LSAMP: variants seen among roughly 807,000 people sequenced by gnomAD.
The protein encoded by LSAMP is limbic system associated membrane protein.
In LSAMP, 7 loss-of-function variants were observed where a neutral mutation model predicts 38.6. The observed-to-expected ratio is 0.18, with a 90% confidence interval of 0.10 to 0.34. The LOEUF (loss-of-function observed/expected upper bound fraction) is 0.34, where lower values mean the gene tolerates loss of function less well. LSAMP is among the 10% of genes least tolerant of loss of function. The pLI, the probability that LSAMP is intolerant of heterozygous loss-of-function variation, is 1.00. For missense variants in LSAMP, 313 were observed against 420.0 expected, an observed-to-expected ratio of 0.75 and a Z score of 2.23; for synonymous variants, 154 against 166.8, an observed-to-expected ratio of 0.92 and a Z score of 0.59.
At chr3:116,073,638 T>C (rs1291290936) in intron 2 of LSAMP, among the ~76,000 whole-genome samples, 7 of 152,250 alleles carry the variant, frequency 4.6e-5, no homozygotes, top group Non-Finnish European at 1.0e-4. Flanking sequence ...CTTCCCTTGT[T>C]GGAATGCTAG....
chr3:115,890,275 G>A (rs143842729), intron 3 of LSAMP, among the ~76,000 whole-genome samples: 8 of 151,944 alleles, frequency 5.3e-5, no homozygotes, highest in Admixed American at 1.3e-4. Context: ...AAAGAATATC[G>A]GAGCATCAAC....
At chr3:115,881,918 G>T (rs1186864012) in intron 3 of LSAMP, among the ~76,000 whole-genome samples, 1 of 152,010 alleles carries the variant, frequency 6.6e-6, no homozygotes, top group Non-Finnish European at 1.5e-5. Context: ...ATCCACCTGG[G>T]GCCCTCTCTG....
At chr3:116,040,556 T>G (rs1941145710) in intron 2 of LSAMP, among the ~76,000 whole-genome samples, 1 of 152,254 alleles carries the variant, frequency 6.6e-6, no homozygotes, top group Non-Finnish European at 1.5e-5. Context: ...ACTTCTGTAT[T>G]TCTGCCATTA....
At chr3:116,181,906 A>G (rs1280766040) in intron 1 of LSAMP, among the ~76,000 whole-genome samples, 3 of 152,018 alleles carry the variant, frequency 2.0e-5, no homozygotes, top group Non-Finnish European at 4.4e-5. Context: ...CTATATTTTG[A>G]TAAAGATCAC....
intron 3 of LSAMP, among the ~76,000 whole-genome samples, chr3:115,995,033 T>C (rs1939776458): frequency 6.6e-6 from 1 of 152,126 alleles, no homozygotes; most frequent in Admixed American, 6.6e-5. Flanking sequence ...GTGTAAAGCA[T>C]TCCTAGAAGC....
intron 1 of LSAMP, among the ~76,000 whole-genome samples, chr3:116,328,389 A>G (rs1379371685): frequency 3.3e-5 from 5 of 152,234 alleles, no homozygotes; most frequent in Non-Finnish European, 5.9e-5. Context: ...ATTTGTAGAA[A>G]TGCAAGTGTG....
intron 2 of LSAMP, among the ~76,000 whole-genome samples, chr3:116,037,865 G>A (rs890246068): frequency 3.3e-5 from 5 of 152,046 alleles, no homozygotes; most frequent in African/African-American, 1.2e-4. Flanking sequence ...CTCAACTTCA[G>A]TGGTATAAGC....
At chr3:116,003,329 A>T (rs1375581353) in intron 3 of LSAMP, among the ~76,000 whole-genome samples, 1 of 152,146 alleles carries the variant, frequency 6.6e-6, no homozygotes, top group Non-Finnish European at 1.5e-5. Flanking sequence ...AACTCAGAGA[A>T]TTGTGTAGTA....
chr3:115,883,749 G>A (rs904540433), intron 3 of LSAMP, among the ~76,000 whole-genome samples: 4 of 151,950 alleles, frequency 2.6e-5, no homozygotes, highest in African/African-American at 4.8e-5. Flanking sequence ...TACACAAATG[G>A]TAGGGTATTA....
chr3:116,315,537 T>A (rs372498355), intron 1 of LSAMP, among the ~76,000 whole-genome samples: 1 of 152,152 alleles, frequency 6.6e-6, no homozygotes, highest in African/African-American at 2.4e-5. Flanking sequence ...CTCCATTGAT[T>A]ACAGAAAGAC....
At chr3:115,873,280 G>A (rs1936095630) in intron 3 of LSAMP, among the ~76,000 whole-genome samples, 1 of 151,930 alleles carries the variant, frequency 6.6e-6, no homozygotes, top group African/African-American at 2.4e-5. Context: ...TAACTTGGGA[G>A]GTTAAGGCAG....
At chr3:116,268,071 T>C (rs978673025) in intron 1 of LSAMP, among the ~76,000 whole-genome samples, 2 of 152,146 alleles carry the variant, frequency 1.3e-5, no homozygotes, top group Admixed American at 1.3e-4. Flanking sequence ...CTATTTTACA[T>C]TAAAGAAAAA....
At chr3:115,862,519 G>T in intron 3 of LSAMP, among the ~76,000 whole-genome samples, 1 of 152,280 alleles carries the variant, frequency 6.6e-6, no homozygotes, top group East Asian at 1.9e-4. Flanking sequence ...GCCCAGTGCT[G>T]AATGAGTTAT....
chr3:116,262,923 T>C (rs1160705624), intron 1 of LSAMP, among the ~76,000 whole-genome samples: 1 of 152,174 alleles, frequency 6.6e-6, no homozygotes, highest in Non-Finnish European at 1.5e-5. Flanking sequence ...TTCAGATACA[T>C]TCATAGAAAC....
chr3:116,403,651 T>C (rs574580218), intron 1 of LSAMP, among the ~76,000 whole-genome samples: 200 of 152,302 alleles, frequency 1.3e-3, no homozygotes, highest in Non-Finnish European at 2.4e-3. Flanking sequence ...GGTTTATTAT[T>C]TTACATATTT....
chr3:116,392,464 C>T (rs2107814577), intron 1 of LSAMP, among the ~76,000 whole-genome samples: 1 of 152,350 alleles, frequency 6.6e-6, no homozygotes, highest in East Asian at 1.9e-4. Context: ...CGCTGACATG[C>T]CAGCTCCCTG....
chr3:115,991,657 GTATC>G (rs1939672152), intron 3 of LSAMP, among the ~76,000 whole-genome samples: 2 of 152,148 alleles, frequency 1.3e-5, no homozygotes, highest in South Asian at 4.1e-4. Flanking sequence ...TCTCCAAATT[GTATC>G]TATCTGGGAA....
At chr3:116,360,206 G>A (rs1376209444) in intron 1 of LSAMP, 5 of 131,132 alleles carry the variant, frequency 3.8e-5, no homozygotes, top group East Asian at 2.3e-4. Context: ...GGAAGCGCAA[G>A]GGGTCAGGGA....
intron 3 of LSAMP, among the ~76,000 whole-genome samples, chr3:115,906,320 G>T (rs938963876): frequency 2.6e-5 from 4 of 152,108 alleles, no homozygotes; most frequent in Non-Finnish European, 5.9e-5. Flanking sequence ...GATGACACTT[G>T]ATTTCCCCTC....
Sources: gnomAD v4.1 joint callset for allele counts (sites outside exome capture counted in the v4.1 genomes callset) on GRCh38, gnomAD v4.1.1 for gene constraint, MANE v1.5 for transcripts, NCBI Gene and HGNC (gene_info 2026-07-23, HGNC 2026-07-21) for gene names.